Variants in ICAM1 observed in about 807,000 individuals in gnomAD.
ICAM1 encodes the protein ICAM-1.
In ICAM1, 28 loss-of-function variants were observed where a neutral mutation model predicts 42.3. The ratio of observed to expected loss-of-function variants is 0.66; its 90% CI spans 0.49 to 0.91. ICAM1 has a LOEUF of 0.91. Among genes scored for constraint, ICAM1 ranks in the 40% least tolerant of loss-of-function variants. ICAM1 has a pLI of 0.00. For missense variants in ICAM1, 637 were observed against 688.6 expected, an observed-to-expected ratio of 0.93 and a Z score of 0.84; for synonymous variants, 304 against 305.9, an observed-to-expected ratio of 0.99 and a Z score of 0.07.
rs371024674 is a variant in ICAM1 at position 10,275,045 on chromosome 19, G to T, written c.331+17G>T. On this transcript the variant is annotated intron_variant, in intron 2 of 6. Coordinates refer to ENST00000264832, the MANE Select transcript of ICAM1 (RefSeq NM_000201.3). ...CCGTGTACTGTGAGTAACTGAGCCCGGAGGGCTGGACTAGGCAGACCCGGT... is the reference window on the plus strand; with the variant it reads ...CCGTGTACTGTGAGTAACTGAGCCCTGAGGGCTGGACTAGGCAGACCCGGT... 1.2e-6 allele frequency: 2 copies of T among 1,611,202 alleles called. No individual in the cohort carries two copies. The highest frequency in any genetic ancestry group is 1.7e-6 in the Non-Finnish European group (2 of 1,179,470).
rs538109359 is a variant in ICAM1, at chr19:10,279,424, C to T, written c.332-4057C>T. Among the ~76,000 whole-genome samples, 6 of 152,188 alleles carry T rather than the reference C, an allele frequency of 3.9e-5. No individual in the cohort carries two copies. The East Asian group carries it at 9.6e-4, about 24-fold the overall frequency. ...GGGTACAGTGGCATATGCTTGTATTCTCAACTACTCTGGAGGCTCAAGTGG... is the reference window on the plus strand; with the variant it reads ...GGGTACAGTGGCATATGCTTGTATTTTCAACTACTCTGGAGGCTCAAGTGG... On this transcript the variant is annotated intron_variant, in intron 2 of 6. Transcript: ENST00000264832.
At position 10,283,713 on chromosome 19, in the gene ICAM1, T is replaced by A. The variant is rs752067478; in HGVS notation, c.564T>A (p.Thr188=). 3 of 1,613,852 alleles carry A rather than the reference T, an allele frequency of 1.9e-6. No individual in the cohort carries two copies. In the South Asian group the frequency reaches 3.3e-5, roughly 18 times the overall value. Residue 188 remains threonine (T), a synonymous_variant, in exon 3 of 7, where the codon ACT becomes ACA. Coordinates refer to ENST00000264832, the MANE Select transcript of ICAM1 (RefSeq NM_000201.3). ...DHHGANFSCR[T]ELDLRPQGLE... ...ATGGAGCCAATTTCTCGTGCCGCAC[T>A]GAACTGGACCTGCGGCCCCAAGGGC...
Position 10,285,525 on chromosome 19 carries a change from C to T in ICAM1, c.*238C>T. 3 of 524,836 alleles carry T rather than the reference C, an allele frequency of 5.7e-6. No individual in the cohort carries two copies. The highest frequency in any genetic ancestry group is 1.0e-5 in the Non-Finnish European group (3 of 294,338). The allele number at this position is 524,836 out of a possible 1,614,324, so 32.5% of individuals were successfully genotyped here. A position where few individuals can be genotyped will look rare whatever the true frequency, so the allele number is the denominator to read the frequency against. ...ACATGACTAAGCCAAGAGGAAGGAG[C>T]AAGACTCAAGACATGATTGATGGAT... On this transcript the variant is annotated 3_prime_UTR_variant, in exon 7 of 7. Coordinates refer to ENST00000264832, the MANE Select transcript of ICAM1 (RefSeq NM_000201.3).
chr19:10,284,016 C>T lies in ICAM1; in HGVS notation c.638-17C>T. 6.2e-7 allele frequency: 1 copy of T among 1,607,238 alleles called. No individual in the cohort carries two copies. The highest frequency in any genetic ancestry group is 8.5e-7 in the Non-Finnish European group (1 of 1,175,230). ...GACGTCCATCCCTGTCTGCTCACAC[C>T]TTTCTTCTCTCCCTAGTCCTGCCAG... On this transcript the variant is annotated splice_polypyrimidine_tract_variant and intron_variant, in intron 3 of 6. Transcript: ENST00000264832. The surrounding 1 kb of genome is among the most constrained non-coding windows in gnomAD (Gnocchi z 5.4).
chr19:10,276,346 C>G (rs532246063), intron 2 of ICAM1, among the ~76,000 whole-genome samples: 14 of 150,228 alleles, frequency 9.3e-5, no homozygotes, highest in Non-Finnish European at 1.9e-4. Flanking sequence ...GAGATCGAGA[C>G]CATCCTGGCT....
At chr19:10,271,273 G>A in intron 1 of ICAM1, 47 bp downstream of exon 1, 1 of 1,552,552 alleles carries the variant, frequency 6.4e-7, no homozygotes, top group Admixed American at 1.8e-5. Flanking sequence ...CCGAAGCCCC[G>A]GGAGGACCGG....
chr19:10,283,892 G>C, intron 3 of ICAM1, 106 bp downstream of exon 3: 1 of 1,436,770 alleles, frequency 7.0e-7, no homozygotes, highest in Non-Finnish European at 9.5e-7. Context: ...CCGGCTAAGG[G>C]GTGCATGTGT....
At chr19:10,271,908 A>G (rs1568290839) in intron 1 of ICAM1, among the ~76,000 whole-genome samples, 1 of 152,048 alleles carries the variant, frequency 6.6e-6, no homozygotes, top group East Asian at 1.9e-4. Flanking sequence ...GGAAGAGGGA[A>G]GGGGTCAGAG....
Position 10,285,519 on chromosome 19 carries a change from A to G in ICAM1, c.*232A>G. On this transcript the variant is annotated 3_prime_UTR_variant, in exon 7 of 7. Coordinates refer to ENST00000264832, the MANE Select transcript of ICAM1 (RefSeq NM_000201.3). ...GTAGTCACATGACTAAGCCAAGAGG[A>G]AGGAGCAAGACTCAAGACATGATTG... is the stretch of plus-strand genomic sequence containing the variant. The G allele has an allele frequency of 9.2e-6, 5 of 542,682 alleles. No homozygotes were observed. In the East Asian group the frequency reaches 1.5e-4, roughly 17 times the overall value. The allele number at this position is 542,682 out of a possible 1,614,324, so 33.6% of individuals were successfully genotyped here. A position where few individuals can be genotyped will look rare whatever the true frequency, so the allele number is the denominator to read the frequency against.
rs5030395 is a variant in ICAM1 at position 10,279,458 on chromosome 19, C to T, written c.332-4023C>T. Among the ~76,000 whole-genome samples, 389 of 152,152 alleles carry T rather than the reference C, an allele frequency of 2.6e-3. 2 individuals carry two copies. Among genetic ancestry groups the T allele is most frequent in the Non-Finnish European group, 4.3e-3 (292 of 67,994 alleles). On this transcript the variant is annotated intron_variant, in intron 2 of 6. Transcript: ENST00000264832. ...TCTGGAGGCTCAAGTGGGAGGATCA[C>T]TTGAACCCAGGAATTTTTTTGTTTT...
chr19:10,280,452 C>G (rs768049722), intron 2 of ICAM1, among the ~76,000 whole-genome samples: 1 of 152,046 alleles, frequency 6.6e-6, no homozygotes, highest in African/African-American at 2.4e-5. Flanking sequence ...TAGCTGACTG[C>G]AGCCTCAAAC....
intron 1 of ICAM1, among the ~76,000 whole-genome samples, chr19:10,272,832 C>T (rs1273421146): frequency 2.0e-5 from 3 of 152,082 alleles, no homozygotes; most frequent in Admixed American, 6.6e-5. Context: ...ACAGTGCCCA[C>T]CCCGTAAGCC....
In ICAM1 at chr19:10,274,890, C is replaced by T; in HGVS notation, c.193C>T (p.Pro65Ser). ...GTTGTTGGGCATAGAGACCCCGTTGCCTAAAAAGGAGTTGCTCCTGCCTGG... is the reference window on the plus strand; with the variant it reads ...GTTGTTGGGCATAGAGACCCCGTTGTCTAAAAAGGAGTTGCTCCTGCCTGG... ...PKLLGIETPLPKKELLLPGNN... is the reference protein window; with the variant it reads ...PKLLGIETPLSKKELLLPGNN... Residue 65 changes from proline (P) to serine (S), a missense_variant, in exon 2 of 7, where the codon CCT becomes TCT. Coordinates refer to ENST00000264832, the MANE Select transcript of ICAM1 (RefSeq NM_000201.3). 1.2e-6 allele frequency: 2 copies of T among 1,614,242 alleles called. No individual in the cohort carries two copies. Among genetic ancestry groups the T allele is most frequent in the Non-Finnish European group, 1.7e-6 (2 of 1,180,038 alleles).
At chr19:10,274,680 T>TCCAGCAC in intron 1 of ICAM1, 85 bp from the exon 2 acceptor site, 1 of 1,470,016 alleles carries the variant, frequency 6.8e-7, no homozygotes, top group South Asian at 1.3e-5. Flanking sequence ...AGGCTGTGCC[T>TCCAGCAC]CCAGCACCCA....
chr19:10,278,634 C>T (rs567877324), intron 2 of ICAM1, among the ~76,000 whole-genome samples: 7 of 143,580 alleles, frequency 4.9e-5, no homozygotes, highest in Non-Finnish European at 7.5e-5. Flanking sequence ...CTCCATCTCC[C>T]GGGTTCAAGC....
intron 2 of ICAM1, among the ~76,000 whole-genome samples, chr19:10,276,868 G>A (rs998791928): frequency 2.3e-4 from 35 of 150,932 alleles, no homozygotes; most frequent in Non-Finnish European, 3.5e-4. Context: ...CCAGCTACTC[G>A]GGAGGCTGAG....
In ICAM1 at chr19:10,284,740, C is replaced by T. The variant is rs745306470; in HGVS notation, c.1181-43C>T. On this transcript the variant is annotated intron_variant, in intron 5 of 6. Transcript: ENST00000264832. This position sits in a 1 kb window ranked among gnomAD's most constrained non-coding sequence, Gnocchi z 5.4. ...TCCCATAAGGTCTTGCCTCCAAGTC[C>T]TGCCCCCACCCACCTCCATGTCATC... 1 of 1,607,208 alleles carries T rather than the reference C, an allele frequency of 6.2e-7. No individual in the cohort carries two copies.
chr19:10,276,733 A>T (rs920164841), intron 2 of ICAM1, among the ~76,000 whole-genome samples: 5 of 151,772 alleles, frequency 3.3e-5, no homozygotes, highest in Non-Finnish European at 7.4e-5. Flanking sequence ...GCACTTTGGG[A>T]GGCTGAGGGA....
chr19:10,275,768 T>C (rs1294083190), intron 2 of ICAM1, among the ~76,000 whole-genome samples: 1 of 144,008 alleles, frequency 6.9e-6, no homozygotes, highest in Admixed American at 7.2e-5. Flanking sequence ...AGTGCAGTGG[T>C]GTGATCTCGG....
Sources: gnomAD v4.1 joint callset for allele counts (sites outside exome capture counted in the v4.1 genomes callset) on GRCh38, gnomAD v4.1.1 for gene constraint, Gnocchi (gnomAD v3.1) non-coding constraint, MANE v1.5 for transcripts, NCBI Gene and HGNC (gene_info 2026-07-23, HGNC 2026-07-21) for gene names.